Variants in CYFIP2 observed in about 807,000 individuals in gnomAD.
The protein encoded by CYFIP2 is cytoplasmic FMR1-interacting protein 2.
Under a neutral mutation model 158.7 loss-of-function variants are expected in CYFIP2, and 29 were observed. The ratio of observed to expected loss-of-function variants is 0.18; its 90% CI spans 0.14 to 0.25. The LOEUF (loss-of-function observed/expected upper bound fraction) is 0.25. Among genes scored for constraint, CYFIP2 ranks in the 10% least tolerant of loss-of-function variants. CYFIP2 has a pLI of 1.00. For missense variants in CYFIP2, 852 were observed against 1,639.5 expected (o/e 0.52, Z 8.29); for synonymous variants, 585 against 617.6 (o/e 0.95, Z 0.78).
At chr5:157,315,523 A>G (rs1213589673) in intron 13 of CYFIP2, among the ~76,000 whole-genome samples, 1 of 152,166 alleles carries the variant, frequency 6.6e-6, no homozygotes, top group African/African-American at 2.4e-5. Flanking sequence ...AGACATTCTC[A>G]TGTCTTTAGT....
intron 5 of CYFIP2, among the ~76,000 whole-genome samples, chr5:157,298,822 G>A (rs985586163): frequency 2.6e-5 from 4 of 152,156 alleles, no homozygotes; most frequent in African/African-American, 9.7e-5. Flanking sequence ...ATATAACGTG[G>A]TCTTTTGTGT....
intron 26 of CYFIP2, chr5:157,365,010 G>A (rs1017597217): frequency 6.6e-6 from 1 of 151,976 alleles, no homozygotes; most frequent in South Asian, 2.1e-4. Context: ...AAAAGTTTTA[G>A]GACAAGACAC....
At chr5:157,360,428 C>T in intron 25 of CYFIP2, 56 bp downstream of exon 25, 1 of 1,472,526 alleles carries the variant, frequency 6.8e-7, no homozygotes, top group East Asian at 2.3e-5. Flanking sequence ...GAGGCTCTGA[C>T]CATCCACCTT....
At chr5:157,286,471 A>G (rs1031204115) in intron 2 of CYFIP2, among the ~76,000 whole-genome samples, 2 of 149,262 alleles carry the variant, frequency 1.3e-5, no homozygotes, top group African/African-American at 4.9e-5. Flanking sequence ...ATATTTTTCC[A>G]TGACAATACC....
intron 23 of CYFIP2, among the ~76,000 whole-genome samples, chr5:157,350,655 T>TG (rs1763005951): frequency 6.6e-6 from 1 of 152,232 alleles, no homozygotes; most frequent in African/African-American, 2.4e-5. Flanking sequence ...ATTCTAGTTC[T>TG]GTGAAGAATG....
intron 13 of CYFIP2, among the ~76,000 whole-genome samples, chr5:157,318,791 G>A (rs139506020): frequency 8.9e-4 from 136 of 152,306 alleles, no homozygotes; most frequent in Admixed American, 2.8e-3. Context: ...GGTGTGATCT[G>A]TGTGGCAGTT....
intron 14 of CYFIP2, among the ~76,000 whole-genome samples, 156 bp from the exon 15 acceptor site, chr5:157,320,499 G>A (rs766232736): frequency 2.0e-5 from 3 of 152,230 alleles, no homozygotes; most frequent in Non-Finnish European, 1.5e-5. Flanking sequence ...TTAAACCAGA[G>A]TTTTGGAATT....
At chr5:157,349,152 G>T (rs570936923) in intron 23 of CYFIP2, among the ~76,000 whole-genome samples, 62 of 152,026 alleles carry the variant, frequency 4.1e-4, no homozygotes, top group African/African-American at 1.5e-3. Context: ...TAAATTTTGG[G>T]GGAACAGGTG....
At chr5:157,278,601 G>A (rs773344463) in intron 1 of CYFIP2, among the ~76,000 whole-genome samples, 10 of 152,164 alleles carry the variant, frequency 6.6e-5, no homozygotes, top group Non-Finnish European at 1.3e-4. Context: ...CTGCTGAATT[G>A]AATTTGCAGG....
chr5:157,330,282 G>A (rs55879029), intron 19 of CYFIP2, among the ~76,000 whole-genome samples: 4 of 135,412 alleles, frequency 3.0e-5, no homozygotes, highest in East Asian at 2.3e-4. Flanking sequence ...GTGTGTGTGT[G>A]TGTTTGTGTT....
intron 26 of CYFIP2, 36 bp from the exon 27 acceptor site, chr5:157,382,554 A>C: frequency 6.2e-7 from 1 of 1,610,964 alleles, no homozygotes. Context: ...TTTAAAATGA[A>C]AATTGTTTTC....
intron 3 of CYFIP2, among the ~76,000 whole-genome samples, chr5:157,291,170 T>C (rs907111155): frequency 1.3e-5 from 2 of 152,168 alleles, no homozygotes; most frequent in Non-Finnish European, 2.9e-5. Context: ...AAATATTTAG[T>C]TAATCTGGGG....
chr5:157,331,444 G>A (rs893450532), intron 20 of CYFIP2, among the ~76,000 whole-genome samples: 13 of 150,654 alleles, frequency 8.6e-5, no homozygotes, highest in African/African-American at 2.9e-4. Context: ...TTGGCCAAGC[G>A]GGTGGCAAAA....
At chr5:157,370,124 G>A (rs1191800602) in intron 26 of CYFIP2, among the ~76,000 whole-genome samples, 1 of 151,970 alleles carries the variant, frequency 6.6e-6, no homozygotes, top group Non-Finnish European at 1.5e-5. Flanking sequence ...CGTGATCCAT[G>A]CGCCTCAGCC....
chr5:157,323,095 G>T (rs1736004199), intron 15 of CYFIP2: 2 of 1,318,402 alleles, frequency 1.5e-6, no homozygotes, highest in Non-Finnish European at 2.1e-6. Context: ...GGCTCCTCAA[G>T]GCCCCTTCCA....
intron 15 of CYFIP2, 101 bp from the exon 16 acceptor site, chr5:157,323,820 T>C: frequency 1.0e-5 from 13 of 1,288,810 alleles, no homozygotes; most frequent in Non-Finnish European, 1.3e-5. Context: ...AGAGCAGACA[T>C]CTGCAGAAAA....
At chr5:157,319,096 T>TG (rs774186233) in intron 13 of CYFIP2, among the ~76,000 whole-genome samples, 46 of 152,046 alleles carry the variant, frequency 3.0e-4, no homozygotes, top group Non-Finnish European at 5.7e-4. Context: ...GCCACATACT[T>TG]GCAGGCAGGC....
intron 22 of CYFIP2, among the ~76,000 whole-genome samples, chr5:157,340,675 G>A (rs1283750069): frequency 1.3e-5 from 2 of 152,198 alleles, no homozygotes; most frequent in Admixed American, 6.5e-5. Flanking sequence ...AACAGAGACC[G>A]TCTGGCTTCC....
intron 26 of CYFIP2, among the ~76,000 whole-genome samples, chr5:157,378,715 C>G (rs946382122): frequency 2.0e-5 from 3 of 152,094 alleles, no homozygotes; most frequent in Admixed American, 2.0e-4. Context: ...GACAGTGAGC[C>G]CTATCTCACA....
Sources: gnomAD v4.1 joint callset for allele counts (sites outside exome capture counted in the v4.1 genomes callset) on GRCh38, gnomAD v4.1.1 for gene constraint, MANE v1.5 for transcripts, NCBI Gene and HGNC (gene_info 2026-07-23, HGNC 2026-07-21) for gene names.